WWTR1: variants seen among roughly 807,000 people sequenced by gnomAD.
WWTR1 encodes the protein WW domain-containing transcription regulator protein 1.
In WWTR1, 13 loss-of-function variants were observed where a neutral mutation model predicts 40.1. The ratio of observed to expected loss-of-function variants is 0.32; its 90% CI spans 0.21 to 0.52. The LOEUF (loss-of-function observed/expected upper bound fraction) is 0.52. WWTR1 is among the 20% of genes least tolerant of loss of function. The pLI is 0.97. For missense variants in WWTR1, 436 were observed against 523.1 expected, an observed-to-expected ratio of 0.83 and a Z score of 1.63; for synonymous variants, 230 against 210.1, an observed-to-expected ratio of 1.09 and a Z score of -0.82.
intron 2 of WWTR1, among the ~76,000 whole-genome samples, chr3:149,640,457 G>GC (rs1476928304): frequency 6.6e-6 from 1 of 152,024 alleles, no homozygotes; most frequent in Non-Finnish European, 1.5e-5. Context: ...GTTTCGCTCT[G>GC]CCCCCAAAGC....
At chr3:149,628,136 C>T (rs1001142246) in intron 2 of WWTR1, among the ~76,000 whole-genome samples, 1 of 150,562 alleles carries the variant, frequency 6.6e-6, no homozygotes, top group African/African-American at 2.4e-5. Context: ...TTTGGGAGGT[C>T]GAGGTGGGCA....
intron 2 of WWTR1, among the ~76,000 whole-genome samples, chr3:149,649,453 C>G (rs1401544182): frequency 6.6e-6 from 1 of 152,180 alleles, no homozygotes; most frequent in African/African-American, 2.4e-5. Flanking sequence ...AGGCACTGCG[C>G]TCAGCACTTT....
intron 3 of WWTR1, among the ~76,000 whole-genome samples, chr3:149,566,363 A>C (rs1280014386): frequency 6.6e-6 from 1 of 151,884 alleles, no homozygotes; most frequent in Admixed American, 6.6e-5. Context: ...CCAACACTTC[A>C]CTTCCACCAT....
intron 2 of WWTR1, among the ~76,000 whole-genome samples, chr3:149,624,643 G>A (rs1011788593): frequency 2.0e-5 from 3 of 152,180 alleles, no homozygotes; most frequent in Admixed American, 6.5e-5. Flanking sequence ...CTTCTGCTAA[G>A]GGGAATGAAC....
At chr3:149,523,123 T>TA (rs1190855101) in intron 6 of WWTR1, among the ~76,000 whole-genome samples, 1 of 151,906 alleles carries the variant, frequency 6.6e-6, no homozygotes, top group Non-Finnish European at 1.5e-5. Context: ...GGCATGAGGA[T>TA]ACTGGCTAAG....
At chr3:149,540,412 A>G in intron 4 of WWTR1, 1 of 390,602 alleles carries the variant, frequency 2.6e-6, no homozygotes, top group South Asian at 1.9e-5. Flanking sequence ...GAAGGAGGAG[A>G]AGCAAGAGAA....
chr3:149,714,865 A>C (rs193039193), intron 5 of WWTR1, among the ~76,000 whole-genome samples: 137 of 151,028 alleles, frequency 9.1e-4, no homozygotes, highest in African/African-American at 3.3e-3. Flanking sequence ...CCCATTAAAA[A>C]CCCCCAGAGT....
chr3:149,589,093 T>A (rs1055288816), intron 2 of WWTR1, among the ~76,000 whole-genome samples: 2 of 152,170 alleles, frequency 1.3e-5, no homozygotes, highest in Admixed American at 6.5e-5. Context: ...AGCTGCCCTC[T>A]CCTTGGGCAG....
intron 1 of WWTR1, among the ~76,000 whole-genome samples, chr3:149,696,403 A>G (rs1714993815): frequency 6.6e-6 from 1 of 152,208 alleles, no homozygotes; most frequent in Non-Finnish European, 1.5e-5. Flanking sequence ...CCTTTACAGG[A>G]ATTCTCTTTT....
chr3:149,652,620 C>CAAAAAAAAAA (rs758013561), intron 2 of WWTR1, among the ~76,000 whole-genome samples: 6 of 20,230 alleles, frequency 3.0e-4, no homozygotes, highest in Non-Finnish European at 6.1e-4. Flanking sequence ...GACCCCATCT[C>CAAAAAAAAAA]AAAAAAAAAA....
chr3:149,550,741 G>C, intron 3 of WWTR1, among the ~76,000 whole-genome samples: 1 of 109,368 alleles, frequency 9.1e-6, no homozygotes, highest in African/African-American at 3.8e-5. Context: ...CAAAATACAG[G>C]AAAAGCAAGG....
At chr3:149,615,768 A>C (rs575443151) in intron 2 of WWTR1, among the ~76,000 whole-genome samples, 113 of 152,274 alleles carry the variant, frequency 7.4e-4, no homozygotes, top group African/African-American at 2.6e-3. Flanking sequence ...TTGGCCAAGG[A>C]CTCAAGGCAA....
chr3:149,671,838 A>T (rs1289922110), intron 1 of WWTR1, among the ~76,000 whole-genome samples: 1 of 152,166 alleles, frequency 6.6e-6, no homozygotes, highest in Non-Finnish European at 1.5e-5. Context: ...TGCATTAAAA[A>T]TGTTTGTAAT....
At chr3:149,524,779 C>T (rs1576535085) in intron 6 of WWTR1, among the ~76,000 whole-genome samples, 1 of 152,134 alleles carries the variant, frequency 6.6e-6, no homozygotes, top group East Asian at 1.9e-4. Context: ...CAAAGAGAAG[C>T]CATCAAAGAG....
intron 4 of WWTR1, among the ~76,000 whole-genome samples, chr3:149,533,402 G>A (rs1735680519): frequency 6.6e-6 from 1 of 152,188 alleles, no homozygotes; most frequent in South Asian, 2.1e-4. Flanking sequence ...TAACCACAGG[G>A]GAAGACTAGA....
intron 1 of WWTR1, among the ~76,000 whole-genome samples, chr3:149,675,684 G>A (rs969466580): frequency 1.3e-5 from 2 of 152,110 alleles, no homozygotes; most frequent in African/African-American, 4.8e-5. Context: ...AAACATGGAA[G>A]TGGAGTGAAG....
intron 2 of WWTR1, among the ~76,000 whole-genome samples, chr3:149,664,900 T>C (rs1021735819): frequency 6.6e-5 from 10 of 152,148 alleles, no homozygotes; most frequent in African/African-American, 2.2e-4. Flanking sequence ...GAAGGCACTA[T>C]CTTTTGTCTG....
chr3:149,574,795 TAAA>T (rs35224415), intron 2 of WWTR1, among the ~76,000 whole-genome samples: 1 of 126,520 alleles, frequency 7.9e-6, no homozygotes. Flanking sequence ...TAAATGTGAT[TAAA>T]AAAAAAAAAA....
intron 2 of WWTR1, among the ~76,000 whole-genome samples, chr3:149,606,250 A>G (rs958222885): frequency 2.0e-5 from 3 of 152,198 alleles, no homozygotes; most frequent in African/African-American, 7.2e-5. Context: ...ACAGACTGAG[A>G]AACATACTAA....
Sources: gnomAD v4.1 joint callset for allele counts (sites outside exome capture counted in the v4.1 genomes callset) on GRCh38, gnomAD v4.1.1 for gene constraint, MANE v1.5 for transcripts, NCBI Gene and HGNC (gene_info 2026-07-23, HGNC 2026-07-21) for gene names.